Variants in SLC22A23 observed in about 807,000 individuals in gnomAD.
SLC22A23 encodes the protein ion transporter protein.
SLC22A23 carries 26 observed loss-of-function variants against 61.0 expected under a neutral mutation model. The ratio of observed to expected loss-of-function variants is 0.43; its 90% confidence interval spans 0.31 to 0.59. The LOEUF is 0.59. SLC22A23 is among the 20% of genes least tolerant of loss of function. The pLI, the probability that SLC22A23 is intolerant of heterozygous loss-of-function variation, is 0.11. For synonymous variants in SLC22A23, 430 were observed against 413.9 expected (o/e 1.04, Z -0.47); for missense variants, 796 against 934.7 (o/e 0.85, Z 1.94).
rs1036388350 is a variant in SLC22A23 at position 3,269,517 on chromosome 6, T to G, written c.*3538A>C. On this transcript the variant is annotated 3_prime_UTR_variant, in exon 10 of 10. Transcript: ENST00000406686. ...TTTACATACAAATTTTCCCCAAAGG[T>G]ACAACAGATGCGACACCATGCAGAC... 1.4e-4 allele frequency: 22 copies of G among 152,796 alleles called. No homozygotes were observed. Among genetic ancestry groups the G allele is most frequent in the African/African-American group, 5.3e-4 (22 of 41,448 alleles). 9.5% of individuals were successfully genotyped at this position (152,796 alleles called of 1,614,324 possible).
intron 5 of SLC22A23, among the ~76,000 whole-genome samples, chr6:3,295,770 T>A (rs1761035416): frequency 6.6e-6 from 1 of 152,100 alleles, no homozygotes; most frequent in Non-Finnish European, 1.5e-5. Context: ...CATCAACACA[T>A]CTGACAGCTG....
intron 3 of SLC22A23, among the ~76,000 whole-genome samples, chr6:3,337,373 G>A (rs1248616548): frequency 6.6e-6 from 1 of 152,062 alleles, no homozygotes; most frequent in Admixed American, 6.5e-5. Flanking sequence ...GGGAGGCCTT[G>A]TAGGTGCCAG....
intron 4 of SLC22A23, chr6:3,303,486 G>GTA (rs1388531172): frequency 6.6e-6 from 1 of 152,130 alleles, no homozygotes; most frequent in Non-Finnish European, 1.5e-5. Context: ...AGAAAATGTG[G>GTA]TATATATACA....
intron 3 of SLC22A23, among the ~76,000 whole-genome samples, chr6:3,325,661 A>G (rs1763236596): frequency 6.6e-6 from 1 of 152,250 alleles, no homozygotes; most frequent in Non-Finnish European, 1.5e-5. Flanking sequence ...TTCTGCTCTC[A>G]AAAATAATAA....
intron 3 of SLC22A23, among the ~76,000 whole-genome samples, chr6:3,393,355 C>T (rs1020234864): frequency 4.6e-5 from 7 of 152,148 alleles, no homozygotes; most frequent in African/African-American, 1.4e-4. Context: ...ATAATAGCCA[C>T]GAGCCATACG....
intron 5 of SLC22A23, among the ~76,000 whole-genome samples, chr6:3,292,845 TG>T (rs1561873497): frequency 2.6e-5 from 4 of 152,060 alleles, no homozygotes; most frequent in Non-Finnish European, 5.9e-5. Context: ...GCGCGGCCTC[TG>T]GGAGCACTCG....
At position 3,456,123 on chromosome 6, in the gene SLC22A23, C is replaced by T. The variant is rs968923170; in HGVS notation, c.437G>A (p.Gly146Asp). The change falls in exon 1 of 10, where the codon GGC (glycine) becomes GAC (aspartate). Residue 146 changes from glycine to aspartate, a missense_variant. Coordinates refer to ENST00000406686, the MANE Select transcript of SLC22A23 (RefSeq NM_015482.2). This position sits in a 1 kb window ranked among gnomAD's most constrained non-coding sequence, Gnocchi z 7.1. Reference protein sequence around the residue: ...ELAGVTTTGRGGDMGNWTSLP... With the variant: ...ELAGVTTTGRDGDMGNWTSLP... ...GCTGGTCCAGTTGCCCATGTCCCCG[C>T]CCCGGCCTGTGGTGGTGACCCCTGC... 1.9e-6 allele frequency: 3 copies of T among 1,551,014 alleles called. No individual in the cohort carries two copies. Among genetic ancestry groups the T allele is most frequent in the Non-Finnish European group, 2.6e-6 (3 of 1,146,790 alleles).
At chr6:3,429,675 A>C (rs949824394) in intron 1 of SLC22A23, among the ~76,000 whole-genome samples, 1 of 152,252 alleles carries the variant, frequency 6.6e-6, no homozygotes, top group African/African-American at 2.4e-5. Context: ...ACGGATGAAC[A>C]AAGAAACAAA....
In SLC22A23 at chr6:3,308,375, G is replaced by A. The variant is rs12110748; in HGVS notation, c.1083-10157C>T. Among the ~76,000 whole-genome samples, 3 of 152,038 alleles carry A rather than the reference G, an allele frequency of 2.0e-5. No individual in the cohort carries two copies. The highest frequency in any genetic ancestry group is 4.8e-5 in the African/African-American group (2 of 41,380). On this transcript the variant is annotated intron_variant, in intron 4 of 9. Coordinates refer to ENST00000406686, the MANE Select transcript of SLC22A23 (RefSeq NM_015482.2). This position sits in a 1 kb window ranked among gnomAD's most constrained non-coding sequence, Gnocchi z 5.1. The stretch of plus-strand genomic sequence containing the variant: ...ACACGCACCTGCATCTCCAGGTGCC[G>A]CCTCTGCTATGACACACTGCCCCCA...
chr6:3,321,195 A>G (rs966924832), intron 4 of SLC22A23, among the ~76,000 whole-genome samples: 2 of 152,204 alleles, frequency 1.3e-5, no homozygotes, highest in African/African-American at 4.8e-5. Context: ...AAACAACCCC[A>G]TGAAATAAGA....
intron 3 of SLC22A23, among the ~76,000 whole-genome samples, chr6:3,364,107 C>G (rs749825781): frequency 7.2e-5 from 11 of 152,222 alleles, no homozygotes; most frequent in Non-Finnish European, 2.9e-5. Flanking sequence ...CTTTCACGAA[C>G]CTCTTTGGGA....
rs554632892 is a variant in SLC22A23, at chr6:3,410,906, A to G, written c.759-564T>C. Among the ~76,000 whole-genome samples the G allele has an allele frequency of 3.0e-4, 46 of 152,326 alleles. 1 individual carries two copies. The South Asian group carries it at 3.3e-3, about 11-fold the overall frequency. Reference sequence around the variant, plus strand: ...AGAAGTAATTTTTAAGGGATCACACACTAAGGTAAGACAGCGTGAACTTTA... The same window carrying G: ...AGAAGTAATTTTTAAGGGATCACACGCTAAGGTAAGACAGCGTGAACTTTA... On this transcript the variant is annotated intron_variant, in intron 2 of 9. Coordinates refer to ENST00000406686, the MANE Select transcript of SLC22A23 (RefSeq NM_015482.2). The surrounding 1 kb of genome is among the most constrained non-coding windows in gnomAD (Gnocchi z 5.0).
In SLC22A23 at chr6:3,297,740, C is replaced by T. The variant is rs573153951; in HGVS notation, c.1210+351G>A. ...GGAAAGCTGAGGTCACAGGGGCCAT[C>T]TACACCCTGAGCCAGCGCTCTGGCA... On this transcript the variant is annotated intron_variant, in intron 5 of 9. Transcript: ENST00000406686. This position sits in a 1 kb window ranked among gnomAD's most constrained non-coding sequence, Gnocchi z 4.3. 6.6e-6 allele frequency among the ~76,000 whole-genome samples: 1 copy of T among 152,220 alleles called. No homozygotes were observed. Among genetic ancestry groups the T allele is most frequent in the Non-Finnish European group, 1.5e-5 (1 of 68,042 alleles).
intron 7 of SLC22A23, among the ~76,000 whole-genome samples, chr6:3,285,328 C>T (rs531439485): frequency 6.6e-6 from 1 of 152,242 alleles, no homozygotes; most frequent in Non-Finnish European, 1.5e-5. Context: ...AGGAGTGAGA[C>T]CCTGCTGGCC....
chr6:3,440,007 C>T (rs143463187), intron 1 of SLC22A23, among the ~76,000 whole-genome samples: 2,999 of 152,132 alleles, frequency 0.02, 107 homozygotes, highest in African/African-American at 0.068. Context: ...CCCAACTTCA[C>T]CTTAAAGGTC....
rs547805274 is a variant in SLC22A23 at position 3,360,051 on chromosome 6, TTAGG to T, written c.914-36053_914-36050del. 3.9e-3 allele frequency among the ~76,000 whole-genome samples: 600 copies of T among 152,244 alleles called. 3 individuals are homozygous for T. The highest frequency in any genetic ancestry group is 7.2e-3 in the Non-Finnish European group (493 of 68,020). On this transcript the variant is annotated intron_variant, in intron 3 of 9. Coordinates refer to ENST00000406686, the MANE Select transcript of SLC22A23 (RefSeq NM_015482.2). This position sits in a 1 kb window ranked among gnomAD's most constrained non-coding sequence, Gnocchi z 4.6. ...TTGCATGATCCACTTAAATAGGTTC[TTAGG>T]TAGGCAAATTCATAGAAACAGAAAG... is the stretch of plus-strand genomic sequence containing the variant.
chr6:3,283,995 A>G lies in SLC22A23; in HGVS notation c.1580-20T>C, dbSNP rs746435736. On this transcript the variant is annotated intron_variant, in intron 8 of 9. Transcript: ENST00000406686. ...TCATCCCTGGGGGAAGGTCAGAAGA[A>G]GGTGGTGAGGGAAGAGAGGAAGCCA... 1 of 1,591,880 alleles carries G rather than the reference A, an allele frequency of 6.3e-7. No individual in the cohort carries two copies. Among genetic ancestry groups the G allele is most frequent in the African/African-American group, 1.3e-5 (1 of 74,696 alleles).
In SLC22A23 at chr6:3,285,066, G is replaced by C; in HGVS notation, c.1579+13C>G. ...TGAGACGAGGAAGCACAGCCCACGC[G>C]CTTGGGACTCACCTGAGTCTGGGTG... is the stretch of plus-strand genomic sequence containing the variant. On this transcript the variant is annotated intron_variant, in intron 8 of 9. Transcript: ENST00000406686. 1 of 1,612,750 alleles carries C rather than the reference G, an allele frequency of 6.2e-7. No individual in the cohort carries two copies. The highest frequency in any genetic ancestry group is 8.5e-7 in the Non-Finnish European group (1 of 1,179,348).
At chr6:3,404,597 A>T (rs1291874484) in intron 3 of SLC22A23, among the ~76,000 whole-genome samples, 1 of 152,148 alleles carries the variant, frequency 6.6e-6, no homozygotes, top group Non-Finnish European at 1.5e-5. Context: ...TCCCTGCTGG[A>T]TGGCTCACCC....
Sources: gnomAD v4.1 joint callset for allele counts (sites outside exome capture counted in the v4.1 genomes callset) on GRCh38, gnomAD v4.1.1 for gene constraint, Gnocchi (gnomAD v3.1) non-coding constraint, MANE v1.5 for transcripts, NCBI Gene and HGNC (gene_info 2026-07-23, HGNC 2026-07-21) for gene names.